CHST3: variants seen among roughly 807,000 people sequenced by gnomAD.
CHST3 encodes the protein carbohydrate sulfotransferase 3.
CHST3 carries 20 observed loss-of-function variants against 35.4 expected under a neutral mutation model. The ratio of observed to expected loss-of-function variants is 0.57; its 90% confidence interval spans 0.40 to 0.82. The LOEUF (loss-of-function observed/expected upper bound fraction) is 0.82, where lower values mean the gene tolerates loss of function less well. Ranked by LOEUF, CHST3 falls within the 40% of genes least tolerant of loss-of-function variation. The pLI, the probability that CHST3 is intolerant of heterozygous loss-of-function variation, is 0.00. For synonymous variants in CHST3, 334 were observed against 295.9 expected, an observed-to-expected ratio of 1.13 and a Z score of -1.32; for missense variants, 693 against 670.1, an observed-to-expected ratio of 1.03 and a Z score of -0.38.
At chr10:71,992,325 A>G (rs1839904159) in intron 1 of CHST3, among the ~76,000 whole-genome samples, 1 of 152,108 alleles carries the variant, frequency 6.6e-6, no homozygotes, top group African/African-American at 2.4e-5. Flanking sequence ...CCACAAGTGC[A>G]TGTCACCACA....
At position 72,007,890 on chromosome 10, in the gene CHST3, G is replaced by A. The variant is rs1264618938; in HGVS notation, c.859G>A (p.Ala287Thr). The change falls in exon 3 of 3, where the codon GCC (alanine) becomes ACC (threonine). Residue 287 changes from alanine (A) to threonine (T), a missense_variant. Transcript: ENST00000373115. ...IRQLEFLQPL[A>T]EDPRLDLRVI... ...GCAGCTGGAGTTCCTGCAGCCGCTGGCCGAGGACCCCCGCCTGGACCTGCG... is the reference window on the plus strand; with the variant it reads ...GCAGCTGGAGTTCCTGCAGCCGCTGACCGAGGACCCCCGCCTGGACCTGCG... 1.3e-6 allele frequency: 2 copies of A among 1,584,156 alleles called. No individual in the cohort carries two copies. The highest frequency in any genetic ancestry group is 1.8e-5 in the Admixed American group (1 of 56,282).
rs141043311 is a variant in CHST3, at chr10:71,968,370, T to C, written c.-108+3676T>C. ...CTTGTTAACTTGTTCAAGTTCCTTA[T>C]AGATTCTGGATATTAGACTTTTGTC... On this transcript the variant is annotated intron_variant, in intron 1 of 2. Transcript: ENST00000373115. 3.8e-3 allele frequency among the ~76,000 whole-genome samples: 584 copies of C among 152,372 alleles called. 3 individuals are homozygous for C. The highest frequency in any genetic ancestry group is 0.012 in the African/African-American group (513 of 41,586).
chr10:71,981,970 C>G (rs941995481), intron 1 of CHST3, among the ~76,000 whole-genome samples: 1 of 152,216 alleles, frequency 6.6e-6, no homozygotes, highest in African/African-American at 2.4e-5. Context: ...TCACTGGCCT[C>G]CAGTCTGTCA....
chr10:72,000,312 G>A (rs1187319736), intron 1 of CHST3, among the ~76,000 whole-genome samples: 1 of 152,198 alleles, frequency 6.6e-6, no homozygotes, highest in Non-Finnish European at 1.5e-5. Flanking sequence ...AGATGCAAGG[G>A]TGGAGCAGAC....
intron 1 of CHST3, among the ~76,000 whole-genome samples, chr10:71,972,990 GTCCA>G (rs1839710416): frequency 6.6e-6 from 1 of 152,222 alleles, no homozygotes; most frequent in Non-Finnish European, 1.5e-5. Flanking sequence ...TGTCTGCCTT[GTCCA>G]TCCTTGTAGC....
intron 1 of CHST3, among the ~76,000 whole-genome samples, chr10:71,981,198 G>C (rs1185838993): frequency 6.6e-6 from 1 of 152,214 alleles, no homozygotes; most frequent in East Asian, 1.9e-4. Context: ...CAGTTTCCCA[G>C]CTTTAACCGG....
intron 1 of CHST3, among the ~76,000 whole-genome samples, chr10:71,991,732 A>C (rs925441268): frequency 6.6e-6 from 1 of 152,140 alleles, no homozygotes; most frequent in South Asian, 2.1e-4. Context: ...CAGGAGTTCG[A>C]GACCACCCTG....
At chr10:71,966,444 G>A (rs1041756076) in intron 1 of CHST3, among the ~76,000 whole-genome samples, 11 of 152,182 alleles carry the variant, frequency 7.2e-5, no homozygotes, top group African/African-American at 2.7e-4. Context: ...GATTGAGAGT[G>A]CACAAAGATG....
intron 1 of CHST3, among the ~76,000 whole-genome samples, chr10:71,987,528 G>A (rs1171522792): frequency 4.0e-5 from 6 of 151,662 alleles, no homozygotes; most frequent in East Asian, 1.9e-4. Flanking sequence ...AGCCTGGTCC[G>A]CATGGTGAAA....
intron 1 of CHST3, among the ~76,000 whole-genome samples, chr10:71,986,722 G>A (rs558643720): frequency 2.0e-5 from 3 of 152,302 alleles, no homozygotes; most frequent in African/African-American, 7.2e-5. Context: ...GCCTGGGGCT[G>A]GTTCTATAAG....
chr10:71,983,770 A>C (rs1407654070), intron 1 of CHST3, among the ~76,000 whole-genome samples: 2 of 151,968 alleles, frequency 1.3e-5, no homozygotes, highest in Non-Finnish European at 2.9e-5. Flanking sequence ...CATATTTTTT[A>C]GAGTAAAAGT....
Position 72,006,474 on chromosome 10 carries a change from G to A in CHST3, c.140+492G>A, listed in dbSNP as rs111484076. Among the ~76,000 whole-genome samples the A allele has an allele frequency of 4.7e-3, 711 of 152,304 alleles. 12 individuals are homozygous for A. Among genetic ancestry groups the A allele is most frequent in the African/African-American group, 0.016 (667 of 41,554 alleles). On this transcript the variant is annotated intron_variant, in intron 2 of 2. Coordinates refer to ENST00000373115, the MANE Select transcript of CHST3 (RefSeq NM_004273.5). ...CTTGATGTCACTGAGCCCATGGAAA[G>A]GCAAGGTCCTAGTATGGATACTCTG... is the stretch of plus-strand genomic sequence containing the variant.
rs113056271 is a variant in CHST3 at position 71,970,921 on chromosome 10, T to C, written c.-108+6227T>C. 2.7e-4 allele frequency among the ~76,000 whole-genome samples: 41 copies of C among 152,352 alleles called. 1 individual carries two copies. Among genetic ancestry groups the C allele is most frequent in the African/African-American group, 9.4e-4 (39 of 41,590 alleles). On this transcript the variant is annotated intron_variant, in intron 1 of 2. Coordinates refer to ENST00000373115, the MANE Select transcript of CHST3 (RefSeq NM_004273.5). ...TACCTGGACAAAAATGTCAGGTTTC[T>C]TTGCTTTGGGCTGGAGTCCTATCAG...
At chr10:72,000,812 G>T (rs1839985507) in intron 1 of CHST3, among the ~76,000 whole-genome samples, 1 of 152,048 alleles carries the variant, frequency 6.6e-6, no homozygotes, top group South Asian at 2.1e-4. Flanking sequence ...CTGGGTGGCT[G>T]CCCACATGTG....
chr10:72,002,048 CA>C (rs1357889663), intron 1 of CHST3, among the ~76,000 whole-genome samples: 1 of 152,154 alleles, frequency 6.6e-6, no homozygotes, highest in Admixed American at 6.5e-5. Flanking sequence ...TTCCTGGCAC[CA>C]TGACCCTCTC....
chr10:71,984,046 A>G (rs1303414898), intron 1 of CHST3, among the ~76,000 whole-genome samples: 1 of 152,154 alleles, frequency 6.6e-6, no homozygotes, highest in East Asian at 1.9e-4. Flanking sequence ...GTTTTGAGAC[A>G]CAGTCTCACT....
intron 1 of CHST3, among the ~76,000 whole-genome samples, chr10:71,999,798 A>G (rs1839975046): frequency 6.6e-6 from 1 of 152,206 alleles, no homozygotes; most frequent in Non-Finnish European, 1.5e-5. Context: ...CCTGAGCAGA[A>G]AGACCCCTGG....
intron 1 of CHST3, among the ~76,000 whole-genome samples, chr10:72,001,406 C>A (rs1376370426): frequency 2.6e-5 from 4 of 152,178 alleles, no homozygotes; most frequent in Admixed American, 6.5e-5. Context: ...GCAGGGGATA[C>A]CACCCGTTCC....
intron 1 of CHST3, among the ~76,000 whole-genome samples, chr10:71,967,682 A>G (rs1839645126): frequency 1.3e-5 from 2 of 152,220 alleles, no homozygotes; most frequent in Non-Finnish European, 2.9e-5. Flanking sequence ...TATTTTGGGT[A>G]TGTACCCAAT....
Sources: allele counts gnomAD v4.1 joint callset (sites outside exome capture counted in the v4.1 genomes callset), GRCh38; gene constraint gnomAD v4.1.1; transcripts MANE v1.5; gene names NCBI Gene and HGNC (gene_info 2026-07-23, HGNC 2026-07-21).